Variants in GAD2 observed in about 807,000 individuals in gnomAD.
GAD2 encodes the protein 65 kDa glutamic acid decarboxylase.
A neutral mutation model predicts 80.1 loss-of-function variants in GAD2; 22 were observed. The ratio of observed to expected loss-of-function variants is 0.27; its 90% CI spans 0.20 to 0.39. GAD2 has a LOEUF of 0.39. Ranked by LOEUF, GAD2 falls within the 10% of genes least tolerant of loss-of-function variation. The pLI is 1.00. For missense variants in GAD2, 624 were observed against 738.4 expected (o/e 0.85, Z 1.80); for synonymous variants, 274 against 256.9 (o/e 1.07, Z -0.64).
intron 15 of GAD2, 88 bp from the exon 16 acceptor site, chr10:26,300,700 A>C: frequency 8.0e-7 from 1 of 1,255,984 alleles, no homozygotes; most frequent in African/African-American, 1.5e-5. Flanking sequence ...TTGAGCTAAA[A>C]ACTAAAGACG....
Position 26,270,303 on chromosome 10 carries a change from G to A in GAD2, c.976-337G>A, listed in dbSNP as rs532139311. ...TTGTGAATAAGGAACACTTGAAAGT[G>A]AGCAAAGGGGGTTAAAAGGGCCAGA... On this transcript the variant is annotated intron_variant, in intron 9 of 15. Transcript: ENST00000376261. Among the ~76,000 whole-genome samples, 4 of 152,202 alleles carry A rather than the reference G, an allele frequency of 2.6e-5. No homozygotes were observed. In the East Asian group the frequency reaches 7.7e-4, roughly 29 times the overall value.
chr10:26,288,721 C>T (rs1834177903), intron 13 of GAD2, among the ~76,000 whole-genome samples: 1 of 152,056 alleles, frequency 6.6e-6, no homozygotes. Context: ...TGGCTTTTTT[C>T]CCCTGTGGTG....
chr10:26,286,343 AG>A lies in GAD2; in HGVS notation c.1238del. The A allele has an allele frequency of 6.2e-7, 1 of 1,611,822 alleles. No individual in the cohort carries two copies. Among genetic ancestry groups the A allele is most frequent in the Non-Finnish European group, 8.5e-7 (1 of 1,179,284 alleles). ...TCCTAAATTTTCTCTTCTCTCTTGT[AG>A]GGATTGATGCAGAATTGCAACCAAA... On this transcript the variant is annotated splice_acceptor_variant, in intron 12 of 15. Transcript: ENST00000376261. LOFTEE classifies it high-confidence loss of function.
At chr10:26,287,012 A>T (rs3904299) in intron 13 of GAD2, among the ~76,000 whole-genome samples, 148,481 of 152,304 alleles carry the variant, frequency 0.97, 72,392 homozygotes, top group East Asian at 1. Context: ...GTAGATTCTG[A>T]GTTTCCCTCT....
chr10:26,247,853 G>A (rs1421318198), intron 8 of GAD2, among the ~76,000 whole-genome samples: 3 of 135,260 alleles, frequency 2.2e-5, no homozygotes, highest in Non-Finnish European at 4.5e-5. Flanking sequence ...CCGAGATCAT[G>A]CCATTGCACT....
intron 7 of GAD2, among the ~76,000 whole-genome samples, chr10:26,243,050 C>A (rs970160467): frequency 6.6e-5 from 10 of 152,126 alleles, no homozygotes; most frequent in African/African-American, 1.9e-4. Flanking sequence ...AAACCCCCCC[C>A]CTTTTTTTGG....
At chr10:26,271,057 T>C (rs1168251647) in intron 10 of GAD2, among the ~76,000 whole-genome samples, 2 of 152,206 alleles carry the variant, frequency 1.3e-5, no homozygotes, top group African/African-American at 4.8e-5. Flanking sequence ...ATTGCATCCA[T>C]GGAGGAATAC....
rs1374178962 is a variant in GAD2 at position 26,303,391 on chromosome 10, A to G, written c.*2430A>G. On this transcript the variant is annotated 3_prime_UTR_variant, in exon 16 of 16. Transcript: ENST00000376261. Reference sequence around the variant, plus strand: ...AAGCCTAGTAGGTCCCAGTAGTTTAATAAATCATCTTGAAAGGAGATGTGG... The same window carrying G: ...AAGCCTAGTAGGTCCCAGTAGTTTAGTAAATCATCTTGAAAGGAGATGTGG... The G allele has an allele frequency of 6.6e-6, 1 of 150,574 alleles. No homozygotes were observed. The highest frequency in any genetic ancestry group is 1.5e-5 in the Non-Finnish European group (1 of 67,634). The allele number at this position is 150,574 out of a possible 1,614,324, so 9.3% of individuals were successfully genotyped here. A position where few individuals can be genotyped will look rare whatever the true frequency, so the allele number is the denominator to read the frequency against.
intron 7 of GAD2, among the ~76,000 whole-genome samples, chr10:26,245,183 A>T (rs1018438180): frequency 1.4e-5 from 2 of 145,344 alleles, no homozygotes; most frequent in African/African-American, 5.0e-5. Flanking sequence ...AAAAGAAAAA[A>T]GTTAATAATG....
intron 15 of GAD2, among the ~76,000 whole-genome samples, chr10:26,300,381 C>T (rs1415372658): frequency 6.6e-6 from 1 of 152,192 alleles, no homozygotes; most frequent in Non-Finnish European, 1.5e-5. Context: ...TCACCTGACA[C>T]TCAAACTTAC....
rs1834320889 is a variant in GAD2 at position 26,300,814 on chromosome 10, G to A, written c.1611G>A (p.Met537Ile). The change falls in exon 16 of 16, where the codon ATG (methionine) becomes ATA (isoleucine). Residue 537 changes from methionine (M) to isoleucine (I), a missense_variant. Coordinates refer to ENST00000376261, the MANE Select transcript of GAD2 (RefSeq NM_001134366.2). Reference protein sequence around the residue: ...SKVAPVIKARMMEYGTTMVSY... With the variant: ...SKVAPVIKARIMEYGTTMVSY... ...TGGCTCCAGTGATTAAAGCCAGAAT[G>A]ATGGAGTATGGAACCACAATGGTCA... 1 of 1,613,828 alleles carries A rather than the reference G, an allele frequency of 6.2e-7. No homozygotes were observed. The highest frequency in any genetic ancestry group is 8.5e-7 in the Non-Finnish European group (1 of 1,179,752).
intron 8 of GAD2, among the ~76,000 whole-genome samples, chr10:26,252,369 G>C (rs1027933915): frequency 3.3e-5 from 5 of 151,546 alleles, no homozygotes. Flanking sequence ...TTGAGACAAG[G>C]TCTCACTCTG....
chr10:26,226,587 G>C (rs1004915966), intron 6 of GAD2, among the ~76,000 whole-genome samples: 6 of 152,150 alleles, frequency 3.9e-5, no homozygotes, highest in Non-Finnish European at 8.8e-5. Flanking sequence ...TGCTATTCCC[G>C]GGAGCAACCA....
At chr10:26,223,309 C>T (rs569235728) in intron 4 of GAD2, among the ~76,000 whole-genome samples, 1 of 152,278 alleles carries the variant, frequency 6.6e-6, no homozygotes, top group African/African-American at 2.4e-5. Flanking sequence ...CCTTTTGAAT[C>T]CAGGGCAAAT....
chr10:26,248,643 C>T (rs768105638), intron 8 of GAD2, among the ~76,000 whole-genome samples: 2 of 152,144 alleles, frequency 1.3e-5, no homozygotes, highest in Non-Finnish European at 2.9e-5. Flanking sequence ...AACTCGTTTC[C>T]CTTTATTTTC....
chr10:26,254,714 A>C (rs1413953394), intron 8 of GAD2, among the ~76,000 whole-genome samples: 1 of 152,214 alleles, frequency 6.6e-6, no homozygotes, highest in African/African-American at 2.4e-5. Context: ...TGTTAGAAAG[A>C]TTATTTTAAA....
chr10:26,287,750 A>G (rs548137296), intron 13 of GAD2, among the ~76,000 whole-genome samples: 8 of 152,336 alleles, frequency 5.3e-5, no homozygotes, highest in African/African-American at 1.7e-4. Flanking sequence ...GGCTCTATCT[A>G]TCAGGATTTT....
intron 8 of GAD2, among the ~76,000 whole-genome samples, chr10:26,250,751 T>C (rs1844870073): frequency 6.6e-6 from 1 of 152,080 alleles, no homozygotes; most frequent in Non-Finnish European, 1.5e-5. Flanking sequence ...GCTCACTTTT[T>C]TTAAAAAAAA....
intron 13 of GAD2, among the ~76,000 whole-genome samples, chr10:26,288,993 TTTAC>T: frequency 6.6e-6 from 1 of 152,290 alleles, no homozygotes; most frequent in African/African-American, 2.4e-5. Flanking sequence ...TACTTATTCT[TTTAC>T]TTACTTGTGG....
Sources: allele counts gnomAD v4.1 joint callset (sites outside exome capture counted in the v4.1 genomes callset), GRCh38; gene constraint gnomAD v4.1.1; transcripts MANE v1.5; gene names NCBI Gene and HGNC (gene_info 2026-07-23, HGNC 2026-07-21).